SLC9C2: variants seen among roughly 807,000 people sequenced by gnomAD.
The protein encoded by SLC9C2 is solute carrier family 9 member C2 (putative).
A neutral mutation model predicts 140.2 loss-of-function variants in SLC9C2; 75 were observed. That is an observed-to-expected ratio of 0.53 (90% CI 0.44 to 0.65). The LOEUF is 0.65. Among genes scored for constraint, SLC9C2 ranks in the 30% least tolerant of loss-of-function variants. The pLI, the probability that SLC9C2 is intolerant of heterozygous loss-of-function variation, is 0.00. For synonymous variants in SLC9C2, 375 were observed against 420.9 expected, an observed-to-expected ratio of 0.89 and a Z score of 1.34; for missense variants, 1,074 against 1,331.8, an observed-to-expected ratio of 0.81 and a Z score of 3.01.
At chr1:173,532,882 A>T (rs2101991460) in intron 17 of SLC9C2, among the ~76,000 whole-genome samples, 1 of 152,278 alleles carries the variant, frequency 6.6e-6, no homozygotes, top group Middle Eastern at 3.4e-3. Flanking sequence ...TCCCATTTCT[A>T]TTAAAAAATG....
intron 3 of SLC9C2, among the ~76,000 whole-genome samples, chr1:173,599,362 A>ATTT (rs61579339): frequency 0.16 from 10,591 of 67,672 alleles, 3,884 homozygotes; most frequent in Non-Finnish European, 0.18. Context: ...ATTTTCCTTG[A>ATTT]TTTTTTTTTT....
At chr1:173,550,926 AGGAGG>A (rs1171573243) in intron 11 of SLC9C2, among the ~76,000 whole-genome samples, 24 of 82,576 alleles carry the variant, frequency 2.9e-4, no homozygotes, top group African/African-American at 3.5e-4. Context: ...GGAAGGGAAG[AGGAGG>A]GGAGGGGAGG....
chr1:173,513,450 T>C (rs758928617), intron 23 of SLC9C2, among the ~76,000 whole-genome samples: 1 of 152,230 alleles, frequency 6.6e-6, no homozygotes, highest in Non-Finnish European at 1.5e-5. Context: ...TTTATTTACA[T>C]AGAGGTGTTT....
chr1:173,595,189 C>G (rs570803974), intron 4 of SLC9C2, among the ~76,000 whole-genome samples: 1 of 152,250 alleles, frequency 6.6e-6, no homozygotes, highest in Non-Finnish European at 1.5e-5. Flanking sequence ...AATCCTAAAT[C>G]CAGAATAAAC....
chr1:173,519,198 C>A (rs993359673), intron 22 of SLC9C2, among the ~76,000 whole-genome samples: 1 of 152,054 alleles, frequency 6.6e-6, no homozygotes, highest in African/African-American at 2.4e-5. Context: ...ATTCCATATG[C>A]CTTTGCTTGC....
At chr1:173,582,135 C>T (rs1665579756) in intron 6 of SLC9C2, 127 bp from the exon 7 acceptor site, 1 of 624,200 alleles carries the variant, frequency 1.6e-6, no homozygotes, top group Admixed American at 3.4e-5. Flanking sequence ...CCTTATTTGT[C>T]AGCAAATAGG....
In SLC9C2 at chr1:173,521,329, A is replaced by G; in HGVS notation, c.2711T>C (p.Ile904Thr). Residue 904 changes from isoleucine (I) to threonine (T), a missense_variant, in exon 22 of 28, where the codon ATC becomes ACC. By Grantham distance (89) the Ile-to-Thr change is moderately conservative (BLOSUM62 -1). Transcript: ENST00000367714. ...TGCCATTCCTGAAATAATTAAGTAGATTCCTTGTGGCATTTCACCTCCTTT... is the reference window on the plus strand; with the variant it reads ...TGCCATTCCTGAAATAATTAAGTAGGTTCCTTGTGGCATTTCACCTCCTTT... ...ICKGGEMPQG[I>T]YLIISGMAIL... The G allele has an allele frequency of 6.5e-7, 1 of 1,542,972 alleles. No individual in the cohort carries two copies. The highest frequency in any genetic ancestry group is 1.3e-5 in the South Asian group (1 of 77,372).
intron 9 of SLC9C2, among the ~76,000 whole-genome samples, chr1:173,568,308 T>C (rs2102158660): frequency 6.6e-6 from 1 of 152,270 alleles, no homozygotes; most frequent in Middle Eastern, 3.4e-3. Flanking sequence ...TAGATCTCAG[T>C]GTCTGTTGTT....
chr1:173,560,815 T>A (rs543009670), intron 9 of SLC9C2, among the ~76,000 whole-genome samples: 3 of 152,280 alleles, frequency 2.0e-5, no homozygotes, highest in African/African-American at 7.2e-5. Flanking sequence ...TTGTTTTTTT[T>A]AGACAGAGTC....
rs1666804305 is a variant in SLC9C2 at position 173,601,852 on chromosome 1, T to C, written c.-76A>G. 6.4e-7 allele frequency: 1 copy of C among 1,560,342 alleles called. No homozygotes were observed. The highest frequency in any genetic ancestry group is 8.7e-7 in the Non-Finnish European group (1 of 1,144,638). Reference sequence around the variant, plus strand: ...TATTGACACTTTCACTTCTGCATGCTAACCTGTATAGCATGCAAAAAGAAC... The same window carrying C: ...TATTGACACTTTCACTTCTGCATGCCAACCTGTATAGCATGCAAAAAGAAC... On this transcript the variant is annotated 5_prime_UTR_variant, in exon 2 of 28. Transcript: ENST00000367714.
At chr1:173,551,384 G>T (rs1194742827) in intron 11 of SLC9C2, among the ~76,000 whole-genome samples, 1 of 152,172 alleles carries the variant, frequency 6.6e-6, no homozygotes, top group Admixed American at 6.5e-5. Flanking sequence ...ATGAATCTGT[G>T]AATGTGGTGC....
At chr1:173,595,019 C>T (rs1434270010) in intron 4 of SLC9C2, among the ~76,000 whole-genome samples, 2 of 152,162 alleles carry the variant, frequency 1.3e-5, no homozygotes, top group African/African-American at 2.4e-5. Context: ...GCTGCCTCAG[C>T]CTCCTGAGTA....
At chr1:173,561,780 C>A (rs1664127174) in intron 9 of SLC9C2, among the ~76,000 whole-genome samples, 1 of 151,630 alleles carries the variant, frequency 6.6e-6, no homozygotes, top group South Asian at 2.1e-4. Context: ...AGTGACCAAT[C>A]ATACATGAAA....
At chr1:173,546,872 A>T (rs1250147124) in intron 13 of SLC9C2, among the ~76,000 whole-genome samples, 1 of 152,122 alleles carries the variant, frequency 6.6e-6, no homozygotes, top group Non-Finnish European at 1.5e-5. Context: ...AATACTTTAA[A>T]ATTTAGAGAT....
chr1:173,522,626 C>T (rs901102380), intron 21 of SLC9C2, among the ~76,000 whole-genome samples: 3 of 152,282 alleles, frequency 2.0e-5, no homozygotes, highest in African/African-American at 4.8e-5. Context: ...CATTGTGATA[C>T]TAACACAGTC....
intron 3 of SLC9C2, among the ~76,000 whole-genome samples, chr1:173,599,366 T>TTA (rs1666638590): frequency 1.3e-5 from 1 of 74,910 alleles, no homozygotes; most frequent in Non-Finnish European, 2.5e-5. Context: ...TCCTTGATTT[T>TTA]TTTTTTTTTT....
At chr1:173,582,720 C>G (rs1256930825) in intron 6 of SLC9C2, among the ~76,000 whole-genome samples, 2 of 152,212 alleles carry the variant, frequency 1.3e-5, no homozygotes. Flanking sequence ...ACTAGTAACA[C>G]ATCTGGAAAC....
intron 4 of SLC9C2, among the ~76,000 whole-genome samples, chr1:173,590,505 G>GT (rs913224005): frequency 1.3e-5 from 2 of 152,044 alleles, no homozygotes; most frequent in African/African-American, 4.8e-5. Flanking sequence ...ATATACTATG[G>GT]TTTTTTAAAA....
chr1:173,551,754 A>G (rs1461014), intron 11 of SLC9C2, among the ~76,000 whole-genome samples: 54,105 of 151,862 alleles, frequency 0.36, 12,117 homozygotes, highest in East Asian at 0.64. Flanking sequence ...CTCTCCTTGG[A>G]TCTCGCTATT....
Sources: gnomAD v4.1 joint callset for allele counts (sites outside exome capture counted in the v4.1 genomes callset) on GRCh38, gnomAD v4.1.1 for gene constraint, MANE v1.5 for transcripts, NCBI Gene and HGNC (gene_info 2026-07-23, HGNC 2026-07-21) for gene names.